Variants in SETD1B observed in about 807,000 individuals in gnomAD.
The protein encoded by SETD1B is histone-lysine N-methyltransferase SETD1B.
A neutral mutation model predicts 148.0 loss-of-function variants in SETD1B; 7 were observed. The ratio of observed to expected loss-of-function variants is 0.05; its 90% CI spans 0.03 to 0.09. SETD1B has a LOEUF of 0.09. SETD1B is among the 10% of genes least tolerant of loss of function. SETD1B has a pLI of 1.00. For synonymous variants in SETD1B, 1,361 were observed against 1,186.5 expected (o/e 1.15, Z -3.02); for missense variants, 2,155 against 2,729.9 (o/e 0.79, Z 4.69).
At chr12:121,811,290 C>G (rs1286791713) in intron 6 of SETD1B, among the ~76,000 whole-genome samples, 3 of 152,126 alleles carry the variant, frequency 2.0e-5, no homozygotes, top group South Asian at 2.1e-4. Context: ...GAATACTGTG[C>G]TGGGCTAAGT....
chr12:121,825,394 G>T (rs1404001308), intron 13 of SETD1B, 28 bp downstream of exon 13: 1 of 1,538,582 alleles, frequency 6.5e-7, no homozygotes, highest in African/African-American at 1.4e-5. Context: ...GGACACATCA[G>T]AGCCTGCTGG....
At position 121,810,622 on chromosome 12, in the gene SETD1B, C is replaced by G; in HGVS notation, c.1677C>G (p.Pro559=). Residue 559 remains proline, a synonymous_variant, in exon 6 of 17, where the codon CCC becomes CCG. Transcript: ENST00000604567. The surrounding 1 kb of genome is among the most constrained non-coding windows in gnomAD (Gnocchi z 7.6). ...AGCCAGGCTTCCGGGGCCCCACGCCCCCCTCGTCACGCCCCTCCAGCACCG... is the reference window on the plus strand; with the variant it reads ...AGCCAGGCTTCCGGGGCCCCACGCCGCCCTCGTCACGCCCCTCCAGCACCG... ...NSQPGFRGPT[P]PSSRPSSTGL... 6.5e-7 allele frequency: 1 copy of G among 1,548,456 alleles called. No individual in the cohort carries two copies. Among genetic ancestry groups the G allele is most frequent in the Non-Finnish European group, 8.7e-7 (1 of 1,146,500 alleles).
Position 121,814,640 on chromosome 12 carries a change from C to T in SETD1B, c.2425C>T (p.Leu809Phe). The T allele has an allele frequency of 1.9e-6, 3 of 1,547,802 alleles. No individual in the cohort carries two copies. Among genetic ancestry groups the T allele is most frequent in the Non-Finnish European group, 2.6e-6 (3 of 1,145,520 alleles). Residue 809 changes from leucine (L) to phenylalanine (F), a missense_variant, in exon 7 of 17, where the codon CTC becomes TTC. Transcript: ENST00000604567. ...TGCGGCCGCCGCTGCCTCAGCTGGG[C>T]TCCAGTTTGTCAACCTGCCGCCCTA... ...AAAAAAASAG[L>F]QFVNLPPYRG... is the part of the protein sequence containing the mutation.
rs763777788 is a variant in SETD1B at position 121,822,590 on chromosome 12, G to A, written c.4011G>A (p.Pro1337=). The A allele has an allele frequency of 1.6e-5, 24 of 1,548,012 alleles. No homozygotes were observed. Among genetic ancestry groups the A allele is most frequent in the Admixed American group, 7.9e-5 (4 of 50,320 alleles). ...PPRPPRPPSP[P]PEPETTDASH... ...GACCACCCCGGCCACCCAGCCCACC[G>A]CCGGAGCCTGAGACCACAGATGCCT... The change falls in exon 12 of 17, where the codon CCG becomes CCA. Residue 1337 remains proline (P), a synonymous_variant. Transcript: ENST00000604567.
chr12:121,799,744 G>GGGGGGGGGGT (rs1201378528), upstream of SETD1B: 1 of 144,228 alleles, frequency 6.9e-6, no homozygotes. Context: ...GGTGGGGCGG[G>GGGGGGGGGGT]GCCGCAGAAC....
In SETD1B at chr12:121,822,424, A is replaced by G. The variant is rs1268975564; in HGVS notation, c.3911-66A>G. The G allele has an allele frequency of 6.1e-6, 9 of 1,472,112 alleles. No individual in the cohort carries two copies. The Admixed American group carries it at 1.9e-4, about 31-fold the overall frequency. The allele number at this position is 1,472,112 out of a possible 1,614,324, so 91.2% of individuals were successfully genotyped here. On this transcript the variant is annotated intron_variant, in intron 11 of 16. Coordinates refer to ENST00000604567, the MANE Select transcript of SETD1B (RefSeq NM_001353345.2). ...GTGAGCCTGCCAGGTATGGAGCACA[A>G]AATAAGGCACTGAGAGACGTTTGGA... is the stretch of plus-strand genomic sequence containing the variant.
At position 121,817,736 on chromosome 12, in the gene SETD1B, C is replaced by T. The variant is rs983613117; in HGVS notation, c.3312+32C>T. 1.4e-5 allele frequency: 22 copies of T among 1,536,248 alleles called. No individual in the cohort carries two copies. Among genetic ancestry groups the T allele is most frequent in the East Asian group, 7.4e-5 (3 of 40,550 alleles). ...AGCAGGCCAGGAAGCCTCAGGGGGC[C>T]GGGCCAGGCGACGAGGGCCAGACCC... On this transcript the variant is annotated intron_variant, in intron 9 of 16. Transcript: ENST00000604567. This position sits in a 1 kb window ranked among gnomAD's most constrained non-coding sequence, Gnocchi z 8.1.
chr12:121,808,049 C>T lies in SETD1B; in HGVS notation c.545-159C>T, dbSNP rs534576956. Among the ~76,000 whole-genome samples, 7 of 151,980 alleles carry T rather than the reference C, an allele frequency of 4.6e-5. No homozygotes were observed. In the East Asian group the frequency reaches 1.4e-3, roughly 29 times the overall value. On this transcript the variant is annotated intron_variant, in intron 4 of 16. Coordinates refer to ENST00000604567, the MANE Select transcript of SETD1B (RefSeq NM_001353345.2). The surrounding 1 kb of genome is among the most constrained non-coding windows in gnomAD (Gnocchi z 5.3). ...TTGTTGAAGAGGTGGGGACCCTGAG[C>T]GAGGTGCAGAGGGGTGGGAACTCAG...
chr12:121,806,848 G>A (rs377066686), intron 4 of SETD1B, among the ~76,000 whole-genome samples: 30 of 152,328 alleles, frequency 2.0e-4, no homozygotes, highest in African/African-American at 7.0e-4. Flanking sequence ...GGAGGCCCCT[G>A]CAGGACCAAG....
Position 121,830,011 on chromosome 12 carries a change from T to C in SETD1B, c.5728-55T>C. 1 of 1,495,432 alleles carries C rather than the reference T, an allele frequency of 6.7e-7. No individual in the cohort carries two copies. The highest frequency in any genetic ancestry group is 9.0e-7 in the Non-Finnish European group (1 of 1,114,484). The allele number at this position is 1,495,432 out of a possible 1,614,324, so 92.6% of individuals were successfully genotyped here. On this transcript the variant is annotated intron_variant, in intron 16 of 16. Coordinates refer to ENST00000604567, the MANE Select transcript of SETD1B (RefSeq NM_001353345.2). This position sits in a 1 kb window ranked among gnomAD's most constrained non-coding sequence, Gnocchi z 5.7. ...CTGGTTGGGTTTGGGGGGTCTGCAG[T>C]GGTGGGGGACCCTGGGGGACCAGGG...
chr12:121,821,559 G>T (rs1279379522), intron 11 of SETD1B, among the ~76,000 whole-genome samples: 1 of 151,898 alleles, frequency 6.6e-6, no homozygotes. Context: ...AGACCAGCCA[G>T]GCCAGCATGA....
rs138534563 is a variant in SETD1B at position 121,818,529 on chromosome 12, C to T, written c.3418+625C>T. Among the ~76,000 whole-genome samples, 540 of 151,882 alleles carry T rather than the reference C, an allele frequency of 3.6e-3. 1 individual carries two copies. The highest frequency in any genetic ancestry group is 0.012 in the African/African-American group (509 of 41,350). On this transcript the variant is annotated intron_variant, in intron 10 of 16. Coordinates refer to ENST00000604567, the MANE Select transcript of SETD1B (RefSeq NM_001353345.2). ...AGTGAGCTGAGATCATGCCACTGCA[C>T]TCCAGCCTGGGTGACAGAGTGACAC...
At chr12:121,806,608 C>A (rs1404526134) in intron 4 of SETD1B, among the ~76,000 whole-genome samples, 1 of 152,208 alleles carries the variant, frequency 6.6e-6, no homozygotes, top group Non-Finnish European at 1.5e-5. Context: ...GGCAGCCAAT[C>A]TGGGGCCAGG....
chr12:121,820,057 G>A (rs1442155491), intron 11 of SETD1B, among the ~76,000 whole-genome samples, 162 bp downstream of exon 11: 1 of 152,240 alleles, frequency 6.6e-6, no homozygotes, highest in Non-Finnish European at 1.5e-5. Context: ...GCGAGATGAG[G>A]TGTTGGGTGC....
chr12:121,809,679 C>T lies in SETD1B; in HGVS notation c.734C>T (p.Pro245Leu). 6.4e-7 allele frequency: 1 copy of T among 1,551,674 alleles called. No homozygotes were observed. The highest frequency in any genetic ancestry group is 8.7e-7 in the Non-Finnish European group (1 of 1,146,996). ...GCGSGSSSVT[P>L]NSGGTPFSQD... The stretch of plus-strand genomic sequence containing the variant: ...GGCTCCGGCTCCTCCTCTGTCACCC[C>T]CAATAGCGGTGGGACACCCTTCTCC... The change falls in exon 6 of 17, where the codon CCC becomes CTC. Residue 245 changes from proline to leucine, a missense_variant. Pro to Leu is a moderately conservative substitution (Grantham distance 98). This residue lies in a region of SETD1B where 376 missense variants were observed against 385.0 expected (regional missense o/e 0.98). Transcript: ENST00000604567.
chr12:121,821,656 AAGG>A (rs1876574068), intron 11 of SETD1B, among the ~76,000 whole-genome samples: 2 of 147,616 alleles, frequency 1.4e-5, no homozygotes, highest in Admixed American at 6.7e-5. Flanking sequence ...GAGGCTGAGG[AAGG>A]AGAATTGCTT....
chr12:121,825,227 A>G lies in SETD1B; in HGVS notation c.5198A>G (p.Lys1733Arg). The G allele has an allele frequency of 1.3e-6, 2 of 1,551,724 alleles. No homozygotes were observed. The highest frequency in any genetic ancestry group is 2.4e-5 in the South Asian group (2 of 84,066). Residue 1733 changes from lysine (K) to arginine (R), a missense_variant, in exon 13 of 17, where the codon AAG becomes AGG. Transcript: ENST00000604567. ...ACCAGCCTCTCTTCAGCTAAGAAGA[A>G]GAAACGGGACGATGGCATCCGCGAG... ...PSTSLSSAKKKKRDDGIREHV... is the reference protein window; with the variant it reads ...PSTSLSSAKKRKRDDGIREHV...
the SETD1B span, among the ~76,000 whole-genome samples, chr12:121,792,269 G>A: frequency 6.6e-6 from 1 of 152,246 alleles, no homozygotes; most frequent in Non-Finnish European, 1.5e-5. Flanking sequence ...TTCCCTGCAG[G>A]TCACTAAACA....
At chr12:121,802,371 T>G (rs2137535202), upstream of SETD1B, 1 of 152,328 alleles carries the variant, frequency 6.6e-6, no homozygotes, top group East Asian at 1.9e-4. Flanking sequence ...AAAAGGTTTT[T>G]TAAAAACTAA....
Sources: allele counts gnomAD v4.1 joint callset (sites outside exome capture counted in the v4.1 genomes callset), GRCh38; gene constraint gnomAD v4.1.1; regional missense constraint gnomAD v4.1.1; non-coding constraint Gnocchi (gnomAD v3.1); transcripts MANE v1.5; gene names NCBI Gene and HGNC (gene_info 2026-07-23, HGNC 2026-07-21).